The following ZNF462 variants were observed in gnomAD, a reference collection of about 807,000 sequenced individuals.
The protein encoded by ZNF462 is zinc finger PBX1-interacting protein.
ZNF462 carries 10 observed loss-of-function variants against 201.9 expected under a neutral mutation model. The ratio of observed to expected loss-of-function variants is 0.05; its 90% CI spans 0.03 to 0.08. The LOEUF (loss-of-function observed/expected upper bound fraction) is 0.08, where lower values mean the gene tolerates loss of function less well. ZNF462 is among the 10% of genes least tolerant of loss of function. The probability of loss-of-function intolerance (pLI) is 1.00; values close to 1 mark genes in which losing one functional copy is unlikely to be tolerated. For missense variants in ZNF462, 2,523 were observed against 3,168.3 expected (o/e 0.80, Z 4.89); for synonymous variants, 1,227 against 1,193.3 (o/e 1.03, Z -0.58).
intron 11 of ZNF462, among the ~76,000 whole-genome samples, chr9:107,004,119 T>G (rs1829385456): frequency 6.6e-6 from 1 of 152,246 alleles, no homozygotes; most frequent in Non-Finnish European, 1.5e-5. Context: ...GATTCAGAGT[T>G]GGTTTTCTAT....
chr9:106,965,592 A>G (rs1191587110), intron 7 of ZNF462, among the ~76,000 whole-genome samples: 1 of 150,596 alleles, frequency 6.6e-6, no homozygotes, highest in Non-Finnish European at 1.5e-5. Context: ...TGAAGGAAGA[A>G]TCTCACAATT....
At chr9:106,971,940 T>G in intron 7 of ZNF462, 65 bp from the exon 8 acceptor site, 1 of 1,530,200 alleles carries the variant, frequency 6.5e-7, no homozygotes, top group Non-Finnish European at 8.8e-7. Context: ...ATGTCAGGGG[T>G]TTTCAAGCAT....
At chr9:106,983,381 T>C (rs1290200668) in intron 9 of ZNF462, among the ~76,000 whole-genome samples, 2 of 152,152 alleles carry the variant, frequency 1.3e-5, no homozygotes, top group African/African-American at 4.8e-5. Context: ...CCCCCGATTG[T>C]TGCCTGCAGT....
chr9:106,862,633 T>G (rs1023138734), upstream of ZNF462, among the ~76,000 whole-genome samples: 2 of 151,956 alleles, frequency 1.3e-5, no homozygotes, highest in Admixed American at 6.6e-5. This position sits in a 1 kb window ranked among gnomAD's most constrained non-coding sequence, Gnocchi z 4.2. Flanking sequence ...CTCCTCCTCT[T>G]GCATCTCACT....
rs1162390827 is a variant in ZNF462, at chr9:107,003,798, T to A, written c.7189+372T>A. On this transcript the variant is annotated intron_variant, in intron 11 of 12. Transcript: ENST00000277225. The surrounding 1 kb of genome is among the most constrained non-coding windows in gnomAD (Gnocchi z 4.4). ...GAATGAGAATGAACTTCCAGTTGAA[T>A]GCATATTTAAAATTGCTGCTGGGGC... 6.6e-6 allele frequency among the ~76,000 whole-genome samples: 1 copy of A among 152,118 alleles called. No individual in the cohort carries two copies. Among genetic ancestry groups the A allele is most frequent in the Non-Finnish European group, 1.5e-5 (1 of 68,026 alleles).
chr9:106,971,788 A>T (rs2132036878), intron 7 of ZNF462, among the ~76,000 whole-genome samples: 1 of 152,314 alleles, frequency 6.6e-6, no homozygotes, highest in East Asian at 1.9e-4. Context: ...CTGTGAGGTG[A>T]TGGATACGTT....
chr9:106,946,427 G>A (rs1254258151), intron 7 of ZNF462, among the ~76,000 whole-genome samples: 2 of 152,132 alleles, frequency 1.3e-5, no homozygotes, highest in Non-Finnish European at 2.9e-5. Context: ...GCTGAAGCTA[G>A]TATTTTAGCC....
At chr9:106,896,256 A>G (rs964453743) in intron 1 of ZNF462, among the ~76,000 whole-genome samples, 2 of 152,184 alleles carry the variant, frequency 1.3e-5, no homozygotes, top group Admixed American at 6.5e-5. Context: ...CGTAGTAGGC[A>G]CTCAAATGTT....
At position 106,920,126 on chromosome 9, in the gene ZNF462, G is replaced by A. The variant is rs983827314; in HGVS notation, c.-30-3228G>A. On this transcript the variant is annotated intron_variant, in intron 1 of 12. Coordinates refer to ENST00000277225, the MANE Select transcript of ZNF462 (RefSeq NM_021224.6). This position sits in a 1 kb window ranked among gnomAD's most constrained non-coding sequence, Gnocchi z 4.3. ...TCTTCGGGATTGATGAAGAAGATAT[G>A]CAGAGCTTATTTCTCACCTTTTTTT... Among the ~76,000 whole-genome samples, 1 of 151,872 alleles carries A rather than the reference G, an allele frequency of 6.6e-6. No individual in the cohort carries two copies. Among genetic ancestry groups the A allele is most frequent in the African/African-American group, 2.4e-5 (1 of 41,354 alleles).
At position 106,976,338 on chromosome 9, in the gene ZNF462, C is replaced by T. The variant is rs370779614; in HGVS notation, c.6832+2065C>T. ...AACCAGATTTCAACTGCTTGTTAGA[C>T]TTTTTTGAACTGTCATTCAGGAAAT... On this transcript the variant is annotated intron_variant, in intron 9 of 12. Transcript: ENST00000277225. 7 of 152,198 alleles carry T rather than the reference C, an allele frequency of 4.6e-5. No homozygotes were observed. In the East Asian group the frequency reaches 9.6e-4, roughly 21 times the overall value. 9.4% of individuals were successfully genotyped at this position (152,198 alleles called of 1,614,324 possible). A position where few individuals can be genotyped will look rare whatever the true frequency, so the allele number is the denominator to read the frequency against.
At chr9:106,873,799 A>G (rs1196922455) in intron 1 of ZNF462, among the ~76,000 whole-genome samples, 1 of 152,178 alleles carries the variant, frequency 6.6e-6, no homozygotes. Flanking sequence ...GCAGATCCAG[A>G]TATCCCTACG....
In ZNF462 at chr9:106,954,307, A is replaced by G. The variant is rs370433251; in HGVS notation, c.6427+15200A>G. ...TCTTATATGGTGGCAGGAGAGAGAA[A>G]GAGAGTGAGGGGGGGATGTGCCATA... On this transcript the variant is annotated intron_variant, in intron 7 of 12. Transcript: ENST00000277225. This position sits in a 1 kb window ranked among gnomAD's most constrained non-coding sequence, Gnocchi z 4.0. Among the ~76,000 whole-genome samples the G allele has an allele frequency of 6.6e-6, 1 of 152,110 alleles. No individual in the cohort carries two copies. Among genetic ancestry groups the G allele is most frequent in the East Asian group, 1.9e-4 (1 of 5,184 alleles).
At chr9:106,967,104 C>T (rs1489049435) in intron 7 of ZNF462, among the ~76,000 whole-genome samples, 2 of 152,140 alleles carry the variant, frequency 1.3e-5, no homozygotes, top group Admixed American at 6.6e-5. Flanking sequence ...CTGAACTCTC[C>T]TGTTACTGTT....
At chr9:106,863,612 G>A (rs535277452) in intron 1 of ZNF462, among the ~76,000 whole-genome samples, 49 of 151,856 alleles carry the variant, frequency 3.2e-4, no homozygotes, top group African/African-American at 1.1e-3. Flanking sequence ...AAGAGGAGGA[G>A]GAGGAAGAGG....
In ZNF462 at chr9:106,920,692, T is replaced by TG. The variant is rs2131398413; in HGVS notation, c.-30-2661dup. 6.6e-6 allele frequency among the ~76,000 whole-genome samples: 1 copy of TG among 152,360 alleles called. No individual in the cohort carries two copies. The highest frequency in any genetic ancestry group is 1.5e-5 in the Non-Finnish European group (1 of 68,038). ...GCAGAACAAGGAGATTGTTAGTTTA[T>TG]GTTTGTGTCCAGTGAAGTTAGCATC... On this transcript the variant is annotated intron_variant, in intron 1 of 12. Transcript: ENST00000277225. The surrounding 1 kb of genome is among the most constrained non-coding windows in gnomAD (Gnocchi z 4.3).
intron 7 of ZNF462, among the ~76,000 whole-genome samples, chr9:106,955,411 T>C (rs938975552): frequency 6.6e-6 from 1 of 152,228 alleles, no homozygotes; most frequent in Non-Finnish European, 1.5e-5. Context: ...TAAAAAATGC[T>C]AATGATTATC....
In ZNF462 at chr9:106,925,838, A is replaced by G. The variant is rs1830172065; in HGVS notation, c.1926A>G (p.Glu642=). The change falls in exon 3 of 13, where the codon GAA becomes GAG. Residue 642 remains glutamate (E), a synonymous_variant. Coordinates refer to ENST00000277225, the MANE Select transcript of ZNF462 (RefSeq NM_021224.6). The surrounding 1 kb of genome is among the most constrained non-coding windows in gnomAD (Gnocchi z 7.9). ...GGCAGCCCTCAAGCCTACCATTGGA[A>G]AATGAGACAGACAGCCACCCCTCTT... is the stretch of plus-strand genomic sequence containing the variant. ...FEGQPSSLPL[E]NETDSHPSSS... 6.2e-7 allele frequency: 1 copy of G among 1,614,096 alleles called. No homozygotes were observed. Among genetic ancestry groups the G allele is most frequent in the Admixed American group, 1.7e-5 (1 of 60,008 alleles).
Position 106,883,138 on chromosome 9 carries a change from C to G in ZNF462, c.-31+19783C>G, listed in dbSNP as rs1214136950. On this transcript the variant is annotated intron_variant, in intron 1 of 12. Coordinates refer to ENST00000277225, the MANE Select transcript of ZNF462 (RefSeq NM_021224.6). The surrounding 1 kb of genome is among the most constrained non-coding windows in gnomAD (Gnocchi z 4.9). The stretch of plus-strand genomic sequence containing the variant: ...GGTGACCTTGCAGTATTAAAGAAAC[C>G]CATGGGTCCTGTTAGTCCCAACCTC... 1.3e-5 allele frequency among the ~76,000 whole-genome samples: 2 copies of G among 152,306 alleles called. No individual in the cohort carries two copies.
rs1195981366 is a variant in ZNF462, at chr9:107,003,776, T to C, written c.7189+350T>C. ...ATGACACTGTAGAGCTCTAGAGGAA[T>C]GAGAATGAACTTCCAGTTGAATGCA... On this transcript the variant is annotated intron_variant, in intron 11 of 12. Coordinates refer to ENST00000277225, the MANE Select transcript of ZNF462 (RefSeq NM_021224.6). The surrounding 1 kb of genome is among the most constrained non-coding windows in gnomAD (Gnocchi z 4.4). Among the ~76,000 whole-genome samples, 1 of 152,060 alleles carries C rather than the reference T, an allele frequency of 6.6e-6. No homozygotes were observed. Among genetic ancestry groups the C allele is most frequent in the African/African-American group, 2.4e-5 (1 of 41,408 alleles).
Sources: gnomAD v4.1 joint callset for allele counts (sites outside exome capture counted in the v4.1 genomes callset) on GRCh38, gnomAD v4.1.1 for gene constraint, Gnocchi (gnomAD v3.1) non-coding constraint, MANE v1.5 for transcripts, NCBI Gene and HGNC (gene_info 2026-07-23, HGNC 2026-07-21) for gene names.